Variants in ABCC3 observed in about 807,000 individuals in gnomAD.
ABCC3 encodes the protein ATP-binding cassette sub-family C member 3.
A neutral mutation model predicts 165.3 loss-of-function variants in ABCC3; 121 were observed. That is an observed-to-expected ratio of 0.73 (90% CI 0.63 to 0.85). The LOEUF is 0.85. ABCC3 is among the 40% of genes least tolerant of loss of function. The pLI is 0.00. For synonymous variants in ABCC3, 733 were observed against 810.1 expected, an observed-to-expected ratio of 0.90 and a Z score of 1.62; for missense variants, 1,869 against 1,964.1, an observed-to-expected ratio of 0.95 and a Z score of 0.92.
Position 50,675,682 on chromosome 17 carries a change from C to T in ABCC3, c.2766C>T (p.Pro922=). 1.3e-6 allele frequency: 2 copies of T among 1,572,654 alleles called. No homozygotes were observed. Among genetic ancestry groups the T allele is most frequent in the Non-Finnish European group, 1.7e-6 (2 of 1,159,014 alleles). ...SDGEGQGRPV[P]RRHLGPSEKV... Reference sequence around the variant, plus strand: ...GGGAGGGACAGGGTCGGCCTGTACCCCGGAGGCACCTGGGTCCATCAGAGA... The same window carrying T: ...GGGAGGGACAGGGTCGGCCTGTACCTCGGAGGCACCTGGGTCCATCAGAGA... The change falls in exon 21 of 31, where the codon CCC becomes CCT. Residue 922 remains proline (P), a synonymous_variant. Transcript: ENST00000285238.
Position 50,667,649 on chromosome 17 carries a change from C to G in ABCC3, c.1527C>G (p.Ser509Arg). The G allele has an allele frequency of 1.9e-6, 3 of 1,614,222 alleles. No individual in the cohort carries two copies. The highest frequency in any genetic ancestry group is 2.5e-6 in the Non-Finnish European group (3 of 1,180,046). The change falls in exon 12 of 31, where the codon AGC (serine) becomes AGG (arginine). Residue 509 changes from serine (S) to arginine (R), a missense_variant. By Grantham distance (110) the Ser-to-Arg change is moderately radical. Coordinates refer to ENST00000285238, the MANE Select transcript of ABCC3 (RefSeq NM_003786.4). The part of the protein sequence containing the change: ...KVLKLYAWEP[S>R]FLKQVEGIRQ... ...TGAAGCTGTACGCCTGGGAGCCCAG[C>G]TTCCTGAAGCAGGTGGAGGGCATCA...
intron 1 of ABCC3, among the ~76,000 whole-genome samples, chr17:50,636,711 G>T (rs375633015): frequency 9.9e-5 from 15 of 152,206 alleles, no homozygotes; most frequent in Non-Finnish European, 1.3e-4. Flanking sequence ...CCTGAACCCT[G>T]AGAGCTTAGG....
intron 15 of ABCC3, 100 bp from the exon 16 acceptor site, chr17:50,669,040 G>A (rs1967585844): frequency 2.5e-6 from 4 of 1,594,154 alleles, no homozygotes; most frequent in African/African-American, 1.3e-5. Context: ...TGCCAGGGGG[G>A]TGTCTGGAAG....
rs1197849136 is a variant in ABCC3 at position 50,634,958 on chromosome 17, G to A, written c.22G>A (p.Gly8Arg). 5 of 1,260,594 alleles carry A rather than the reference G, an allele frequency of 4.0e-6. No homozygotes were observed. The highest frequency in any genetic ancestry group is 5.0e-6 in the Non-Finnish European group (5 of 1,000,754). The allele number at this position is 1,260,594 out of a possible 1,614,324, so 78.1% of individuals were successfully genotyped here. The stretch of plus-strand genomic sequence containing the variant: ...CCCCATGGACGCCCTGTGCGGTTCC[G>A]GGGAGCTCGGCTCCAAGTTCTGGGT... MDALCGSGELGSKFWDSN... is the reference protein window; with the variant it reads MDALCGSRELGSKFWDSN... Residue 8 changes from glycine to arginine, a missense_variant, in exon 1 of 31, where the codon GGG becomes AGG. Coordinates refer to ENST00000285238, the MANE Select transcript of ABCC3 (RefSeq NM_003786.4).
intron 11 of ABCC3, among the ~76,000 whole-genome samples, chr17:50,666,871 A>G (rs1597853039): frequency 6.6e-6 from 1 of 152,208 alleles, no homozygotes; most frequent in Non-Finnish European, 1.5e-5. Flanking sequence ...TTAGAGAAAC[A>G]TATATGTAAA....
At chr17:50,676,172 A>C (rs947790691) in intron 22 of ABCC3, 82 bp downstream of exon 22, 2 of 1,597,002 alleles carry the variant, frequency 1.3e-6, no homozygotes, top group South Asian at 2.2e-5. Flanking sequence ...GTGCCCTTGC[A>C]TCCAAGCCTC....
chr17:50,655,404 C>CGA (rs1967208829), intron 1 of ABCC3, among the ~76,000 whole-genome samples: 1 of 56,534 alleles, frequency 1.8e-5, no homozygotes. Context: ...GACTCTGTCT[C>CGA]AAAAAAAAAA....
Position 50,663,789 on chromosome 17 carries a change from C to A in ABCC3, c.1107C>A (p.His369Gln). 1 of 1,614,210 alleles carries A rather than the reference C, an allele frequency of 6.2e-7. No homozygotes were observed. The highest frequency in any genetic ancestry group is 8.5e-7 in the Non-Finnish European group (1 of 1,180,042). The change falls in exon 9 of 31, where the codon CAC becomes CAA. Residue 369 changes from histidine (H) to glutamine (Q), a missense_variant. His to Gln is a conservative substitution (Grantham distance 24, BLOSUM62 0). Transcript: ENST00000285238. ...TGATGCAGTCGCTGATCTTACAACACTATTACCACTACATCTTTGTGACTG... is the reference window on the plus strand; with the variant it reads ...TGATGCAGTCGCTGATCTTACAACAATATTACCACTACATCTTTGTGACTG... ...CSMMQSLILQ[H>Q]YYHYIFVTGV... is the part of the protein sequence containing the mutation.
At chr17:50,662,559 G>A (rs1567830802) in intron 8 of ABCC3, among the ~76,000 whole-genome samples, 1 of 150,818 alleles carries the variant, frequency 6.6e-6, no homozygotes, top group South Asian at 2.1e-4. Context: ...GACTGCCTGA[G>A]CCTGAGAGGT....
Position 50,657,334 on chromosome 17 carries a change from T to C in ABCC3, c.486+151T>C, listed in dbSNP as rs192207139. Reference sequence around the variant, plus strand: ...GTTCTCCACTTGCTACATTTCTACCTGGAAGCAGGCTGAGGAGGGGGCACC... The same window carrying C: ...GTTCTCCACTTGCTACATTTCTACCCGGAAGCAGGCTGAGGAGGGGGCACC... On this transcript the variant is annotated intron_variant, in intron 4 of 30. Transcript: ENST00000285238. 2.0e-4 allele frequency: 230 copies of C among 1,129,012 alleles called. 1 individual carries two copies. The highest frequency in any genetic ancestry group is 2.2e-4 in the Middle Eastern group (1 of 4,596). The allele number at this position is 1,129,012 out of a possible 1,614,324, so 69.9% of individuals were successfully genotyped here. A position where few individuals can be genotyped will look rare whatever the true frequency, so the allele number is the denominator to read the frequency against.
chr17:50,639,529 C>T (rs2054208401), intron 1 of ABCC3, among the ~76,000 whole-genome samples: 1 of 152,006 alleles, frequency 6.6e-6, no homozygotes, highest in Non-Finnish European at 1.5e-5. Context: ...CTGAGCCACC[C>T]CGGAGTAGGG....
chr17:50,678,522 G>A (rs773384393), intron 25 of ABCC3, among the ~76,000 whole-genome samples: 6 of 152,098 alleles, frequency 3.9e-5, no homozygotes, highest in Non-Finnish European at 7.3e-5. Context: ...CTCAGCCGTC[G>A]ACCTTGCCTG....
At chr17:50,677,099 C>T (rs1967836588) in intron 23 of ABCC3, among the ~76,000 whole-genome samples, 1 of 152,222 alleles carries the variant, frequency 6.6e-6, no homozygotes, top group Non-Finnish European at 1.5e-5. Flanking sequence ...CCAGGCTGCT[C>T]TTGAACTCCT....
chr17:50,674,457 ATGC>A (rs1567835941), intron 19 of ABCC3: 4 of 152,236 alleles, frequency 2.6e-5, no homozygotes, highest in Non-Finnish European at 5.9e-5. Flanking sequence ...TTTGGCAAGT[ATGC>A]AAGTGCTTAG....
At chr17:50,656,893 A>C in intron 3 of ABCC3, 66 bp downstream of exon 3, 3 of 1,555,786 alleles carry the variant, frequency 1.9e-6, no homozygotes, top group Non-Finnish European at 8.7e-7. Flanking sequence ...TGTGATAGGG[A>C]AACTGTGGGC....
chr17:50,664,492 C>A lies in ABCC3; in HGVS notation c.1338+381C>A, dbSNP rs1967476006. 3.3e-5 allele frequency: 8 copies of A among 239,748 alleles called. No individual in the cohort carries two copies. In the South Asian group the frequency reaches 4.6e-4, roughly 14 times the overall value. 14.9% of individuals were successfully genotyped at this position (239,748 alleles called of 1,614,324 possible). ...GACCAAGGCGGGTGGATCACGAGGT[C>A]AGGAGTTCGAGACCAGCCCGGCCAG... On this transcript the variant is annotated intron_variant, in intron 10 of 30. Transcript: ENST00000285238.
intron 29 of ABCC3, among the ~76,000 whole-genome samples, chr17:50,685,627 T>A (rs1968009476): frequency 6.6e-6 from 1 of 152,230 alleles, no homozygotes. Flanking sequence ...TTCCTACAAG[T>A]TTGAAATCCA....
chr17:50,679,676 TG>T, intron 25 of ABCC3, 121 bp from the exon 26 acceptor site: 5 of 885,000 alleles, frequency 5.6e-6, no homozygotes, highest in Non-Finnish European at 9.1e-6. Context: ...CAGGCCCACC[TG>T]GGTCATCCAT....
chr17:50,675,334 C>A, intron 19 of ABCC3, 28 bp from the exon 20 acceptor site: 1 of 1,559,932 alleles, frequency 6.4e-7, no homozygotes, highest in South Asian at 1.2e-5. Flanking sequence ...TAGCTGAACC[C>A]TATCTCCTTC....
Sources: allele counts gnomAD v4.1 joint callset (sites outside exome capture counted in the v4.1 genomes callset), GRCh38; gene constraint gnomAD v4.1.1; transcripts MANE v1.5; gene names NCBI Gene and HGNC (gene_info 2026-07-23, HGNC 2026-07-21).